TFDP2: variants seen among roughly 807,000 people sequenced by gnomAD.
TFDP2 encodes the protein transcription factor Dp-2 (E2F dimerization partner 2).
A neutral mutation model predicts 59.3 loss-of-function variants in TFDP2; 17 were observed. The ratio of observed to expected loss-of-function variants is 0.29; its 90% CI spans 0.20 to 0.43. The LOEUF is 0.43. Ranked by LOEUF, TFDP2 falls within the 20% of genes least tolerant of loss-of-function variation. The pLI is 1.00. For synonymous variants in TFDP2, 180 were observed against 194.7 expected, an observed-to-expected ratio of 0.92 and a Z score of 0.63; for missense variants, 391 against 528.8, an observed-to-expected ratio of 0.74 and a Z score of 2.56.
chr3:142,093,752 T>G (rs1230642594), intron 2 of TFDP2, among the ~76,000 whole-genome samples: 2 of 152,152 alleles, frequency 1.3e-5, no homozygotes, highest in African/African-American at 4.8e-5. Context: ...TGGCCTTAAG[T>G]CCAACTGCTT....
intron 1 of TFDP2, among the ~76,000 whole-genome samples, chr3:142,134,319 A>G (rs2062636238): frequency 6.6e-6 from 1 of 151,020 alleles, no homozygotes; most frequent in African/African-American, 2.4e-5. Flanking sequence ...ACTGCACTCC[A>G]GCCTGGGCAA....
intron 9 of TFDP2, among the ~76,000 whole-genome samples, chr3:141,968,463 G>GAT (rs1246592539): frequency 2.3e-4 from 17 of 74,268 alleles, no homozygotes; most frequent in South Asian, 7.0e-4. Flanking sequence ...CTCATATATA[G>GAT]ATATATATAT....
At chr3:142,134,851 A>C (rs1261272252) in intron 1 of TFDP2, among the ~76,000 whole-genome samples, 3 of 152,042 alleles carry the variant, frequency 2.0e-5, no homozygotes, top group Non-Finnish European at 4.4e-5. Flanking sequence ...AGTTAAGCAA[A>C]AAGAAAAAAA....
intron 3 of TFDP2, among the ~76,000 whole-genome samples, chr3:142,011,412 G>A (rs1944669634): frequency 7.3e-6 from 1 of 137,832 alleles, no homozygotes; most frequent in South Asian, 2.4e-4. Flanking sequence ...GACACAGGAA[G>A]GGGAATATCA....
At chr3:142,008,776 G>T (rs1450032918) in intron 3 of TFDP2, among the ~76,000 whole-genome samples, 1 of 151,902 alleles carries the variant, frequency 6.6e-6, no homozygotes, top group African/African-American at 2.4e-5. Context: ...ACACACTGTT[G>T]TCCTAAGCAT....
At chr3:142,012,077 A>G (rs1275603709) in intron 3 of TFDP2, among the ~76,000 whole-genome samples, 1 of 140,210 alleles carries the variant, frequency 7.1e-6, no homozygotes. Flanking sequence ...CAGTGGTGTG[A>G]GCTTGGCTCA....
chr3:142,133,982 C>T (rs376433218), intron 1 of TFDP2, among the ~76,000 whole-genome samples: 24 of 151,150 alleles, frequency 1.6e-4, no homozygotes, highest in Middle Eastern at 3.4e-3. Flanking sequence ...GGCAGTGAGC[C>T]GAGATCGCGC....
intron 1 of TFDP2, among the ~76,000 whole-genome samples, chr3:142,119,785 T>C (rs1250483670): frequency 6.6e-6 from 1 of 152,192 alleles, no homozygotes; most frequent in Non-Finnish European, 1.5e-5. Flanking sequence ...GTGCAGCGGC[T>C]CACGCCTGTA....
intron 1 of TFDP2, among the ~76,000 whole-genome samples, chr3:142,139,219 T>C (rs1180914086): frequency 6.6e-6 from 1 of 152,188 alleles, no homozygotes; most frequent in Non-Finnish European, 1.5e-5. Flanking sequence ...ATCTGCTTGG[T>C]AGATCTTCCA....
chr3:142,017,988 G>A (rs888487536), intron 3 of TFDP2, among the ~76,000 whole-genome samples: 2 of 151,272 alleles, frequency 1.3e-5, no homozygotes, highest in African/African-American at 2.4e-5. Context: ...TGTCGTCCAG[G>A]CTGGAGTGCA....
At chr3:142,115,716 TATGA>T (rs1577021042) in intron 1 of TFDP2, among the ~76,000 whole-genome samples, 1 of 152,254 alleles carries the variant, frequency 6.6e-6, no homozygotes, top group East Asian at 1.9e-4. Flanking sequence ...AGTATCATAC[TATGA>T]TGTTGTTTTT....
rs573550888 is a variant in TFDP2, at chr3:142,018,291, G to C, written c.83-12747C>G. Reference sequence around the variant, plus strand: ...CATAGTATTCCCTTTTATGGCTCCAGCAGTCTATTTATTGAGCTCCTGAGT... The same window carrying C: ...CATAGTATTCCCTTTTATGGCTCCACCAGTCTATTTATTGAGCTCCTGAGT... On this transcript the variant is annotated intron_variant, in intron 3 of 12. Coordinates refer to ENST00000489671, the MANE Select transcript of TFDP2 (RefSeq NM_001178139.2). 1.3e-3 allele frequency among the ~76,000 whole-genome samples: 191 copies of C among 152,170 alleles called. 1 individual carries two copies. The highest frequency in any genetic ancestry group is 4.5e-3 in the African/African-American group (188 of 41,546).
At chr3:141,991,539 A>G (rs149438833) in intron 6 of TFDP2, among the ~76,000 whole-genome samples, 151 of 152,294 alleles carry the variant, frequency 9.9e-4, no homozygotes, top group Middle Eastern at 6.8e-3. Flanking sequence ...TGGGTGGATC[A>G]CTTGAGGTGA....
intron 3 of TFDP2, among the ~76,000 whole-genome samples, chr3:142,013,312 T>C (rs1186353257): frequency 6.6e-6 from 1 of 152,152 alleles, no homozygotes. Flanking sequence ...TTCCAATAGT[T>C]GTAATACCCA....
At chr3:142,003,918 A>G (rs1211499420) in intron 4 of TFDP2, among the ~76,000 whole-genome samples, 3 of 152,224 alleles carry the variant, frequency 2.0e-5, no homozygotes, top group Non-Finnish European at 4.4e-5. Context: ...AGCATTAAAC[A>G]AAAAATAATA....
At chr3:142,127,155 T>C (rs1243144544) in intron 1 of TFDP2, among the ~76,000 whole-genome samples, 1 of 148,456 alleles carries the variant, frequency 6.7e-6, no homozygotes, top group East Asian at 1.9e-4. Context: ...TATGTATCTA[T>C]AAGATATATC....
chr3:141,987,773 GAAA>G (rs112269693), intron 6 of TFDP2, among the ~76,000 whole-genome samples: 23 of 125,014 alleles, frequency 1.8e-4, no homozygotes, highest in African/African-American at 4.4e-4. Context: ...ACTAAAAATA[GAAA>G]AAAAAAAAAA....
rs1161452163 is a variant in TFDP2 at position 141,963,980 on chromosome 3, AAAC to A, written c.733-20_733-18del. The A allele has an allele frequency of 1.2e-6, 2 of 1,610,750 alleles. No individual in the cohort carries two copies. Among genetic ancestry groups the A allele is most frequent in the African/African-American group, 2.7e-5 (2 of 74,744 alleles). ...AGCGATTTGCTGTAATGATCAATAAAAACAATATGGTCAATTGTGCATAAGTGA... is the reference window on the plus strand; with the variant it reads ...AGCGATTTGCTGTAATGATCAATAAAAATATGGTCAATTGTGCATAAGTGA... On this transcript the variant is annotated intron_variant, in intron 9 of 12. Transcript: ENST00000489671.
chr3:142,043,729 G>A, intron 3 of TFDP2: 1 of 1,325,394 alleles, frequency 7.5e-7, no homozygotes, highest in South Asian at 1.2e-5. Flanking sequence ...CTTAGACCTG[G>A]GGGCCTCAGC....
Sources: allele counts gnomAD v4.1 joint callset (sites outside exome capture counted in the v4.1 genomes callset), GRCh38; gene constraint gnomAD v4.1.1; transcripts MANE v1.5; gene names NCBI Gene and HGNC (gene_info 2026-07-23, HGNC 2026-07-21).